Variants in CENPP observed in about 807,000 individuals in gnomAD.
CENPP encodes the protein centromere protein P.
Under a neutral mutation model 35.6 loss-of-function variants are expected in CENPP, and 24 were observed. That is an observed-to-expected ratio of 0.67 (90% CI 0.49 to 0.95). The LOEUF is 0.95. Ranked by LOEUF, CENPP falls within the 40% of genes least tolerant of loss-of-function variation. CENPP has a pLI of 0.00. For missense variants in CENPP, 332 were observed against 345.3 expected (o/e 0.96, Z 0.31); for synonymous variants, 120 against 125.5 (o/e 0.96, Z 0.29).
chr9:92,445,798 A>C (rs1400212476), intron 5 of CENPP, among the ~76,000 whole-genome samples: 1 of 151,704 alleles, frequency 6.6e-6, no homozygotes, highest in African/African-American at 2.4e-5. Context: ...CAGGAGAATC[A>C]CTTGAACCTG....
At chr9:92,466,689 AC>A in intron 5 of CENPP, 1 of 919,172 alleles carries the variant, frequency 1.1e-6, no homozygotes, top group Non-Finnish European at 1.6e-6. Context: ...GTACTAGATC[AC>A]CCATGTAAAA....
intron 5 of CENPP, chr9:92,456,950 C>A: frequency 9.4e-7 from 1 of 1,068,566 alleles, no homozygotes; most frequent in Non-Finnish European, 1.1e-6. Context: ...ATTTACAGTA[C>A]AGTTCTTTTT....
At chr9:92,390,585 TGTGC>T (rs748539120) in intron 5 of CENPP, among the ~76,000 whole-genome samples, 71 of 133,122 alleles carry the variant, frequency 5.3e-4, no homozygotes, top group East Asian at 5.1e-4. Context: ...TGTGTGTGTG[TGTGC>T]GCGCGCGCGT....
Position 92,326,078 on chromosome 9 carries a change from C to A in CENPP, c.80C>A (p.Ala27Glu), listed in dbSNP as rs868260993. The A allele has an allele frequency of 6.4e-7, 1 of 1,558,514 alleles. No homozygotes were observed. Among genetic ancestry groups the A allele is most frequent in the Non-Finnish European group, 8.7e-7 (1 of 1,151,500 alleles). ...CGGCGAGCGTGTGAGGACCCACCGG[C>A]GCCCTGGGAAGAGAAGTCCCGAGTC... ...ALRRACEDPPAPWEEKSRVQK... is the reference protein window; with the variant it reads ...ALRRACEDPPEPWEEKSRVQK... The change falls in exon 1 of 8, where the codon GCG becomes GAG. Residue 27 changes from alanine (A) to glutamate (E), a missense_variant. By Grantham distance (107) the Ala-to-Glu change is moderately radical. Coordinates refer to ENST00000375587, the MANE Select transcript of CENPP (RefSeq NM_001012267.3).
Position 92,616,226 on chromosome 9 carries a change from A to G in CENPP, c.*3077A>G. 1 of 568,684 alleles carries G rather than the reference A, an allele frequency of 1.8e-6. No homozygotes were observed. The highest frequency in any genetic ancestry group is 3.1e-6 in the Non-Finnish European group (1 of 318,102). 35.2% of individuals were successfully genotyped at this position (568,684 alleles called of 1,614,324 possible). Reference sequence around the variant, plus strand: ...TTAAAAGAGAAGTGAATGGCCTCACACCCCAGCTCACAAAGAGCACTCGTT... The same window carrying G: ...TTAAAAGAGAAGTGAATGGCCTCACGCCCCAGCTCACAAAGAGCACTCGTT... On this transcript the variant is annotated 3_prime_UTR_variant, in exon 8 of 8. Coordinates refer to ENST00000375587, the MANE Select transcript of CENPP (RefSeq NM_001012267.3).
chr9:92,525,783 G>A (rs1333316793), intron 5 of CENPP, among the ~76,000 whole-genome samples: 5 of 151,574 alleles, frequency 3.3e-5, no homozygotes, highest in South Asian at 2.1e-4. Flanking sequence ...CCAGCAACTC[G>A]GGAGGCTGAG....
chr9:92,494,050 T>G, intron 5 of CENPP: 1 of 1,594,830 alleles, frequency 6.3e-7, no homozygotes, highest in Non-Finnish European at 8.5e-7. Flanking sequence ...ACTTGCCTGC[T>G]TACTTGTCTG....
chr9:92,555,743 T>C (rs1248764120), intron 5 of CENPP, among the ~76,000 whole-genome samples: 3 of 152,334 alleles, frequency 2.0e-5, no homozygotes, highest in Admixed American at 6.5e-5. Context: ...ATATCTCCTG[T>C]TTTGTTTCTT....
At chr9:92,611,417 C>T (rs376610193) in intron 6 of CENPP, 24 bp downstream of exon 6, 5 of 1,577,566 alleles carry the variant, frequency 3.2e-6, no homozygotes, top group South Asian at 2.2e-5. Context: ...GGCCATGGGG[C>T]CTCCCATTTC....
chr9:92,455,843 G>A (rs1477457008), intron 5 of CENPP, among the ~76,000 whole-genome samples: 5 of 152,110 alleles, frequency 3.3e-5, no homozygotes, highest in Admixed American at 2.6e-4. Flanking sequence ...AGGCAGAGGC[G>A]GGCAGATCAC....
chr9:92,467,787 T>C (rs1391165448), intron 5 of CENPP, among the ~76,000 whole-genome samples: 2 of 152,206 alleles, frequency 1.3e-5, no homozygotes, highest in South Asian at 2.1e-4. Flanking sequence ...ATTCCAGATA[T>C]ATCACTATTG....
rs184901821 is a variant in CENPP at position 92,366,980 on chromosome 9, C to T, written c.468-12783C>T. 6.4e-3 allele frequency among the ~76,000 whole-genome samples: 980 copies of T among 152,262 alleles called. 7 individuals are homozygous for T. The highest frequency in any genetic ancestry group is 0.011 in the Non-Finnish European group (725 of 68,010). Reference sequence around the variant, plus strand: ...CGTTTGCAGTCAAAACGCAGGTGTACAACACAGTTCATTCAACATCCTCAA... The same window carrying T: ...CGTTTGCAGTCAAAACGCAGGTGTATAACACAGTTCATTCAACATCCTCAA... On this transcript the variant is annotated intron_variant, in intron 4 of 7. Transcript: ENST00000375587.
intron 4 of CENPP, among the ~76,000 whole-genome samples, chr9:92,347,220 G>A (rs1464825369): frequency 1.3e-5 from 2 of 152,174 alleles, no homozygotes; most frequent in African/African-American, 2.4e-5. Flanking sequence ...GAGGTAGGGA[G>A]AATACCAAGA....
intron 5 of CENPP, among the ~76,000 whole-genome samples, chr9:92,605,464 G>T (rs1205676825): frequency 6.6e-6 from 1 of 152,028 alleles, no homozygotes; most frequent in African/African-American, 2.4e-5. Context: ...CCTCACAGAT[G>T]TTATCTCTCT....
At chr9:92,328,605 G>A (rs1840641163) in intron 1 of CENPP, among the ~76,000 whole-genome samples, 1 of 152,124 alleles carries the variant, frequency 6.6e-6, no homozygotes, top group Non-Finnish European at 1.5e-5. Context: ...CTCATTAGTA[G>A]ACCATTGACC....
chr9:92,364,507 A>G (rs1841839135), intron 4 of CENPP, among the ~76,000 whole-genome samples: 1 of 151,966 alleles, frequency 6.6e-6, no homozygotes, highest in Non-Finnish European at 1.5e-5. Flanking sequence ...CTGTTGTCTT[A>G]TGGCTTAACA....
chr9:92,408,221 C>G (rs931604887), intron 5 of CENPP, among the ~76,000 whole-genome samples: 5 of 152,130 alleles, frequency 3.3e-5, no homozygotes, highest in African/African-American at 1.2e-4. Flanking sequence ...GAGTCTTGCT[C>G]TGTCTCCAGG....
intron 5 of CENPP, among the ~76,000 whole-genome samples, chr9:92,569,511 C>T (rs1248761516): frequency 2.0e-4 from 30 of 152,268 alleles, no homozygotes; most frequent in African/African-American, 7.0e-4. Flanking sequence ...AGTCAGGTAG[C>T]ATGATGCCTC....
At chr9:92,444,954 C>T (rs899895975) in intron 5 of CENPP, among the ~76,000 whole-genome samples, 2 of 152,126 alleles carry the variant, frequency 1.3e-5, no homozygotes, top group Non-Finnish European at 2.9e-5. Flanking sequence ...AACAGTGGTC[C>T]AGTCGGACCA....
Sources: allele counts gnomAD v4.1 joint callset (sites outside exome capture counted in the v4.1 genomes callset), GRCh38; gene constraint gnomAD v4.1.1; transcripts MANE v1.5; gene names NCBI Gene and HGNC (gene_info 2026-07-23, HGNC 2026-07-21).